BMS1: variants seen among roughly 807,000 people sequenced by gnomAD.
BMS1 encodes BMS1 ribosome biogenesis factor, also known as ribosome biogenesis protein BMS1 homolog.
A neutral mutation model predicts 138.7 loss-of-function variants in BMS1; 53 were observed. The observed-to-expected ratio is 0.38, with a 90% CI of 0.31 to 0.48. BMS1 has a LOEUF of 0.48. Ranked by LOEUF, BMS1 falls within the 20% of genes least tolerant of loss-of-function variation. The probability of loss-of-function intolerance (pLI) is 0.97; values close to 1 mark genes in which losing one functional copy is unlikely to be tolerated. For synonymous variants in BMS1, 504 were observed against 539.9 expected (o/e 0.93, Z 0.92); for missense variants, 1,360 against 1,565.5 (o/e 0.87, Z 2.22).
intron 12 of BMS1, among the ~76,000 whole-genome samples, chr10:42,800,420 C>G (rs1564417087): frequency 6.6e-6 from 1 of 152,044 alleles, no homozygotes; most frequent in Non-Finnish European, 1.5e-5. Context: ...GGTGATGTTC[C>G]ATTCAATCAT....
chr10:42,819,536 G>T (rs1842442480), intron 15 of BMS1, among the ~76,000 whole-genome samples: 1 of 152,212 alleles, frequency 6.6e-6, no homozygotes, highest in Non-Finnish European at 1.5e-5. Flanking sequence ...GGTTCTTTTG[G>T]TTTTGGAGTG....
In BMS1 at chr10:42,793,921, A is replaced by G. The variant is rs766116441; in HGVS notation, c.1159A>G (p.Met387Val). ...ISTHSTIDAK[M>V]ASSRVTLFSD... is the part of the protein sequence containing the mutation. ...TACCCACTCCACCATTGATGCCAAGATGGCTTCAAGTCGAGTGACGCTGTT... is the reference window on the plus strand; with the variant it reads ...TACCCACTCCACCATTGATGCCAAGGTGGCTTCAAGTCGAGTGACGCTGTT... Residue 387 changes from methionine (M) to valine (V), a missense_variant, in exon 9 of 23, where the codon ATG becomes GTG. Transcript: ENST00000374518. The G allele has an allele frequency of 1.9e-6, 3 of 1,611,844 alleles. No homozygotes were observed. The highest frequency in any genetic ancestry group is 1.7e-6 in the Non-Finnish European group (2 of 1,179,784).
In BMS1 at chr10:42,832,122, G is replaced by T. The variant is rs56085448; in HGVS notation, c.*1026G>T. On this transcript the variant is annotated 3_prime_UTR_variant, in exon 23 of 23. Transcript: ENST00000374518. ...CGTATACTCCTCCATGTATGCATGG[G>T]TGTGTAGAAATATGGAACGCAGCTG... 2,124 of 152,262 alleles carry T rather than the reference G, an allele frequency of 0.014. 26 individuals are homozygous for T. Among genetic ancestry groups the T allele is most frequent in the Non-Finnish European group, 0.024 (1,610 of 68,024 alleles). 9.4% of individuals were successfully genotyped at this position (152,262 alleles called of 1,614,324 possible).
rs978749455 is a variant in BMS1 at position 42,790,580 on chromosome 10, G to A, written c.636+69G>A. 3.3e-6 allele frequency: 5 copies of A among 1,521,800 alleles called. No individual in the cohort carries two copies. The African/African-American group carries it at 4.2e-5, about 13-fold the overall frequency. The allele number at this position is 1,521,800 out of a possible 1,614,324, so 94.3% of individuals were successfully genotyped here. On this transcript the variant is annotated intron_variant, in intron 5 of 22. Transcript: ENST00000374518. ...TTAAAATAGACTGAAGAGGCCGGGT[G>A]CAGTGGCTAACACCTGTAATCCCAG... is the stretch of plus-strand genomic sequence containing the variant.
chr10:42,803,019 T>C (rs1841915337), intron 13 of BMS1, among the ~76,000 whole-genome samples: 1 of 152,088 alleles, frequency 6.6e-6, no homozygotes, highest in Admixed American at 6.5e-5. Context: ...TTTTGGAAGG[T>C]CATTCTTTTT....
intron 12 of BMS1, 29 bp downstream of exon 12, chr10:42,798,654 TAGAG>T (rs1348175542): frequency 2.5e-6 from 4 of 1,608,848 alleles, no homozygotes; most frequent in Non-Finnish European, 3.4e-6. Flanking sequence ...TTTGATTTAT[TAGAG>T]AATTAGCGAA....
chr10:42,790,474 A>C lies in BMS1; in HGVS notation c.599A>C (p.Lys200Thr), dbSNP rs1411884342. The C allele has an allele frequency of 1.9e-6, 3 of 1,613,986 alleles. No individual in the cohort carries two copies. The African/African-American group carries it at 4.0e-5, about 22-fold the overall frequency. ...AATAAGCAACTGAAGAAGACAAAGAAGCGATTAAAACACAGGTTCTGGACG... is the reference window on the plus strand; with the variant it reads ...AATAAGCAACTGAAGAAGACAAAGACGCGATTAAAACACAGGTTCTGGACG... ...KHNKQLKKTK[K>T]RLKHRFWTEV... Residue 200 changes from lysine to threonine, a missense_variant, in exon 5 of 23, where the codon AAG (lysine) becomes ACG (threonine). This residue lies in a region of BMS1 where 238 missense variants were observed against 311.1 expected (regional missense o/e 0.77). Coordinates refer to ENST00000374518, the MANE Select transcript of BMS1 (RefSeq NM_014753.4).
In BMS1 at chr10:42,798,700, A is replaced by G. The variant is rs191399851; in HGVS notation, c.2247+75A>G. The stretch of plus-strand genomic sequence containing the variant: ...TAGAATAAGATTATCTGATGTCAAT[A>G]TTGCTTACCTGTTGTTGGCTTCTTA... On this transcript the variant is annotated intron_variant, in intron 12 of 22. Coordinates refer to ENST00000374518, the MANE Select transcript of BMS1 (RefSeq NM_014753.4). The G allele has an allele frequency of 2.2e-3, 3,451 of 1,565,942 alleles. 9 individuals are homozygous for G. The highest frequency in any genetic ancestry group is 2.7e-3 in the Non-Finnish European group (3,110 of 1,146,720).
In BMS1 at chr10:42,799,257, G is replaced by A. The variant is rs541078917; in HGVS notation, c.2247+632G>A. ...CCAGAGTAGCTGGGACTATAGGCAC[G>A]AGCCACCAGGCCTGGCTAATTTTTG... On this transcript the variant is annotated intron_variant, in intron 12 of 22. Transcript: ENST00000374518. Among the ~76,000 whole-genome samples the A allele has an allele frequency of 1.8e-4, 27 of 152,246 alleles. No homozygotes were observed. The South Asian group carries it at 4.8e-3, about 27-fold the overall frequency.
At chr10:42,795,601 G>A (rs1841659805) in intron 9 of BMS1, among the ~76,000 whole-genome samples, 1 of 152,002 alleles carries the variant, frequency 6.6e-6, no homozygotes, top group Middle Eastern at 3.4e-3. Flanking sequence ...GATTACAGAT[G>A]TGAGCCACTA....
intron 13 of BMS1, among the ~76,000 whole-genome samples, chr10:42,803,350 G>A (rs1330360883): frequency 1.3e-5 from 2 of 152,132 alleles, no homozygotes; most frequent in Admixed American, 1.3e-4. Context: ...ATGTTGCCTA[G>A]CTGGCCTTGA....
chr10:42,828,338 A>G lies in BMS1; in HGVS notation c.3457-1923A>G, dbSNP rs143601142. Reference sequence around the variant, plus strand: ...CCAGTATATGACTGTGTCACCATTTATCCATTGATGGGTAAAATGATTTCC... The same window carrying G: ...CCAGTATATGACTGTGTCACCATTTGTCCATTGATGGGTAAAATGATTTCC... On this transcript the variant is annotated intron_variant, in intron 21 of 22. Transcript: ENST00000374518. Among the ~76,000 whole-genome samples, 3 of 152,348 alleles carry G rather than the reference A, an allele frequency of 2.0e-5. 1 individual carries two copies. The highest frequency in any genetic ancestry group is 7.2e-5 in the African/African-American group (3 of 41,588).
At chr10:42,828,178 A>G (rs1842707240) in intron 21 of BMS1, among the ~76,000 whole-genome samples, 1 of 152,218 alleles carries the variant, frequency 6.6e-6, no homozygotes, top group Non-Finnish European at 1.5e-5. Flanking sequence ...TTCCTGACGT[A>G]GATTTGTTCT....
chr10:42,807,206 C>T (rs993449980), intron 13 of BMS1, among the ~76,000 whole-genome samples: 1 of 152,174 alleles, frequency 6.6e-6, no homozygotes, highest in African/African-American at 2.4e-5. Context: ...TTCCCCAGCC[C>T]CCAGTTCCTT....
chr10:42,794,913 C>T (rs2132313042), intron 9 of BMS1, among the ~76,000 whole-genome samples: 1 of 152,224 alleles, frequency 6.6e-6, no homozygotes, highest in East Asian at 1.9e-4. Flanking sequence ...TCCCTCCCCG[C>T]TCTGCCCACC....
Position 42,831,933 on chromosome 10 carries a change from A to T in BMS1, c.*837A>T, listed in dbSNP as rs1380832203. The T allele has an allele frequency of 6.6e-6, 1 of 152,172 alleles. No homozygotes were observed. The highest frequency in any genetic ancestry group is 2.4e-5 in the African/African-American group (1 of 41,444). The allele number at this position is 152,172 out of a possible 1,614,324, so 9.4% of individuals were successfully genotyped here. A position where few individuals can be genotyped will look rare whatever the true frequency, so the allele number is the denominator to read the frequency against. ...TTTATGATTGTATGTTGATATAGTT[A>T]TGGGGAATCTATTCCTATACGATGT... On this transcript the variant is annotated 3_prime_UTR_variant, in exon 23 of 23. Coordinates refer to ENST00000374518, the MANE Select transcript of BMS1 (RefSeq NM_014753.4).
At chr10:42,809,414 C>CTT (rs35323545) in intron 13 of BMS1, among the ~76,000 whole-genome samples, 14 of 149,060 alleles carry the variant, frequency 9.4e-5, no homozygotes, top group Middle Eastern at 3.5e-3. Flanking sequence ...GCTTTTCCTT[C>CTT]TTTTTTTTTT....
At chr10:42,810,353 A>G (rs1484740750) in intron 13 of BMS1, among the ~76,000 whole-genome samples, 2 of 152,182 alleles carry the variant, frequency 1.3e-5, no homozygotes, top group Non-Finnish European at 2.9e-5. Context: ...ATTTTTATAC[A>G]AATCTTTTTA....
In BMS1 at chr10:42,792,620, C is replaced by A; in HGVS notation, c.901+6C>A. The A allele has an allele frequency of 6.2e-7, 1 of 1,604,854 alleles. No individual in the cohort carries two copies. The highest frequency in any genetic ancestry group is 8.5e-7 in the Non-Finnish European group (1 of 1,179,560). ...AAGCCAAATTCACATGCCAGGTATT[C>A]TCTTGTTGTAGAACATACTAGAATT... is the stretch of plus-strand genomic sequence containing the variant. On this transcript the variant is annotated splice_donor_region_variant and intron_variant, in intron 7 of 22. Coordinates refer to ENST00000374518, the MANE Select transcript of BMS1 (RefSeq NM_014753.4).
Sources: allele counts gnomAD v4.1 joint callset (sites outside exome capture counted in the v4.1 genomes callset), GRCh38; gene constraint gnomAD v4.1.1; regional missense constraint gnomAD v4.1.1; transcripts MANE v1.5; gene names NCBI Gene and HGNC (gene_info 2026-07-23, HGNC 2026-07-21).